CALD1: variants seen among roughly 807,000 people sequenced by gnomAD.
CALD1 encodes the protein caldesmon 1, also known as caldesmon.
CALD1 carries 33 observed loss-of-function variants against 99.9 expected under a neutral mutation model. The ratio of observed to expected loss-of-function variants is 0.33; its 90% CI spans 0.25 to 0.44. The LOEUF is 0.44. CALD1 is among the 20% of genes least tolerant of loss of function. The probability of loss-of-function intolerance (pLI) is 1.00; values close to 1 mark genes in which losing one functional copy is unlikely to be tolerated. For synonymous variants in CALD1, 310 were observed against 325.0 expected, an observed-to-expected ratio of 0.95 and a Z score of 0.50; for missense variants, 861 against 962.1, an observed-to-expected ratio of 0.89 and a Z score of 1.39.
At chr7:134,890,106 A>C (rs2132494376) in intron 3 of CALD1, among the ~76,000 whole-genome samples, 1 of 152,172 alleles carries the variant, frequency 6.6e-6, no homozygotes, top group South Asian at 2.1e-4. Flanking sequence ...ACGGGGTTTC[A>C]CCATGTTGGC....
chr7:134,892,203 G>A (rs1425222008), intron 3 of CALD1, among the ~76,000 whole-genome samples: 1 of 152,174 alleles, frequency 6.6e-6, no homozygotes, highest in Non-Finnish European at 1.5e-5. Flanking sequence ...GACTCCAAGG[G>A]TTTAGGATCA....
intron 1 of CALD1, among the ~76,000 whole-genome samples, chr7:134,772,733 T>C (rs1356833018): frequency 6.6e-6 from 1 of 152,248 alleles, no homozygotes; most frequent in Non-Finnish European, 1.5e-5. Flanking sequence ...TACATTTGCT[T>C]ATTTTCTGTG....
chr7:134,767,233 G>C (rs966854218), intron 1 of CALD1, among the ~76,000 whole-genome samples: 1 of 151,818 alleles, frequency 6.6e-6, no homozygotes, highest in Admixed American at 6.6e-5. Flanking sequence ...GTGCGTGTGT[G>C]ACATAAATCC....
chr7:134,881,465 A>C (rs1197895607), intron 3 of CALD1, among the ~76,000 whole-genome samples: 1 of 152,238 alleles, frequency 6.6e-6, no homozygotes, highest in Non-Finnish European at 1.5e-5. Context: ...TCTATAAGAG[A>C]GAACTAACAC....
chr7:134,967,473 C>G (rs987004086), intron 14 of CALD1, among the ~76,000 whole-genome samples: 3 of 151,968 alleles, frequency 2.0e-5, no homozygotes, highest in African/African-American at 7.3e-5. Flanking sequence ...TTTTTAGCAA[C>G]TAGCTGAGGG....
intron 7 of CALD1, among the ~76,000 whole-genome samples, chr7:134,946,104 T>G (rs969937876): frequency 6.6e-6 from 1 of 152,154 alleles, no homozygotes; most frequent in African/African-American, 2.4e-5. Flanking sequence ...ACTTTTGAAC[T>G]CATTCACAAG....
chr7:134,745,256 T>G (rs1383775106), intron 1 of CALD1, among the ~76,000 whole-genome samples: 3 of 152,252 alleles, frequency 2.0e-5, no homozygotes, highest in African/African-American at 7.2e-5. Flanking sequence ...CAATTCAGTA[T>G]CAGGCATCTT....
At chr7:134,762,340 G>A (rs1485210316) in intron 1 of CALD1, among the ~76,000 whole-genome samples, 1 of 152,184 alleles carries the variant, frequency 6.6e-6, no homozygotes, top group Non-Finnish European at 1.5e-5. Context: ...CCTAGATAAT[G>A]TAGAATGGTC....
intron 3 of CALD1, among the ~76,000 whole-genome samples, chr7:134,918,434 A>G (rs1804372113): frequency 6.6e-6 from 1 of 152,260 alleles, no homozygotes; most frequent in African/African-American, 2.4e-5. Flanking sequence ...TAAAAGAATC[A>G]CAGAATGCAT....
intron 1 of CALD1, among the ~76,000 whole-genome samples, chr7:134,793,499 G>A (rs1001077613): frequency 2.0e-5 from 3 of 152,028 alleles, no homozygotes; most frequent in Non-Finnish European, 4.4e-5. Context: ...TATTTTTAAG[G>A]TATTTTATTT....
rs1192233031 is a variant in CALD1, at chr7:134,968,604, A to G, written c.*259A>G. The G allele has an allele frequency of 1.5e-6, 1 of 677,504 alleles. No individual in the cohort carries two copies. Among genetic ancestry groups the G allele is most frequent in the Non-Finnish European group, 2.7e-6 (1 of 368,902 alleles). 42.0% of individuals were successfully genotyped at this position (677,504 alleles called of 1,614,324 possible). Reference sequence around the variant, plus strand: ...CTGTGAAATAGAGACTTTTCTACTGATCATCATAACTCTGTATCTGAGCAG... The same window carrying G: ...CTGTGAAATAGAGACTTTTCTACTGGTCATCATAACTCTGTATCTGAGCAG... On this transcript the variant is annotated 3_prime_UTR_variant, in exon 15 of 15. Coordinates refer to ENST00000361675, the MANE Select transcript of CALD1 (RefSeq NM_033138.4).
At chr7:134,959,935 T>C (rs1323728914) in intron 11 of CALD1, 39 bp from the exon 12 acceptor site, 1 of 1,593,352 alleles carries the variant, frequency 6.3e-7, no homozygotes, top group Non-Finnish European at 8.5e-7. Flanking sequence ...GAGAACAAAC[T>C]TCCCAGCACC....
chr7:134,854,014 C>T (rs1436827299), intron 2 of CALD1, among the ~76,000 whole-genome samples: 1 of 152,156 alleles, frequency 6.6e-6, no homozygotes, highest in Admixed American at 6.5e-5. Flanking sequence ...TTTCCAGCTT[C>T]ATCAATGTCC....
chr7:134,897,751 G>A (rs142886613), intron 3 of CALD1, among the ~76,000 whole-genome samples: 1 of 152,210 alleles, frequency 6.6e-6, no homozygotes, highest in Non-Finnish European at 1.5e-5. Flanking sequence ...TGGTCACTCA[G>A]TCTGGAGTGC....
At chr7:134,728,667 G>C in the CALD1 span, among the ~76,000 whole-genome samples, 1 of 152,130 alleles carries the variant, frequency 6.6e-6, no homozygotes, top group Admixed American at 6.5e-5. Context: ...CATTAGACCA[G>C]AGAGTATCTG....
rs78293140 is a variant in CALD1, at chr7:134,859,378, G to A, written c.-41-8315G>A. 1.4e-3 allele frequency among the ~76,000 whole-genome samples: 218 copies of A among 152,302 alleles called. 2 individuals are homozygous for A. Among genetic ancestry groups the A allele is most frequent in the African/African-American group, 5.0e-3 (208 of 41,556 alleles). ...CCACCTTGCCTTAGGGTTTACGCTT[G>A]TGTCATTTGTTCTTCTCTAGTGGCC... On this transcript the variant is annotated intron_variant, in intron 2 of 14. Coordinates refer to ENST00000361675, the MANE Select transcript of CALD1 (RefSeq NM_033138.4).
At chr7:134,832,256 G>A (rs1221280335) in intron 1 of CALD1, among the ~76,000 whole-genome samples, 1 of 152,186 alleles carries the variant, frequency 6.6e-6, no homozygotes, top group Non-Finnish European at 1.5e-5. Flanking sequence ...ACTTTTAAAT[G>A]TTAACAGGTA....
intron 1 of CALD1, among the ~76,000 whole-genome samples, chr7:134,820,957 G>A (rs570256335): frequency 6.6e-6 from 1 of 151,636 alleles, no homozygotes; most frequent in Admixed American, 6.6e-5. Context: ...TGAAGGAGAG[G>A]GGAGGAGAAA....
the CALD1 span, among the ~76,000 whole-genome samples, chr7:134,711,726 G>GTGTGTCTC: frequency 1.8e-3 from 171 of 96,704 alleles, no homozygotes; most frequent in South Asian, 4.7e-3. Context: ...GTGTGTGTGT[G>GTGTGTCTC]TCTCTCTCTC....
Sources: gnomAD v4.1 joint callset for allele counts (sites outside exome capture counted in the v4.1 genomes callset) on GRCh38, gnomAD v4.1.1 for gene constraint, MANE v1.5 for transcripts, NCBI Gene and HGNC (gene_info 2026-07-23, HGNC 2026-07-21) for gene names.